The following TUBGCP3 variants were observed in gnomAD, a reference collection of about 807,000 sequenced individuals.
TUBGCP3 encodes gamma-tubulin complex component 3.
In TUBGCP3, 50 loss-of-function variants were observed where a neutral mutation model predicts 123.1. The ratio of observed to expected loss-of-function variants is 0.41; its 90% CI spans 0.32 to 0.51. The LOEUF is 0.51. Among genes scored for constraint, TUBGCP3 ranks in the 20% least tolerant of loss-of-function variants. The pLI, the probability that TUBGCP3 is intolerant of heterozygous loss-of-function variation, is 0.36. For synonymous variants in TUBGCP3, 405 were observed against 413.9 expected (o/e 0.98, Z 0.26); for missense variants, 882 against 1,127.0 (o/e 0.78, Z 3.11).
chr13:112,545,430 C>T lies in TUBGCP3; in HGVS notation c.1335+269G>A, dbSNP rs920783181. 8.3e-5 allele frequency: 32 copies of T among 383,890 alleles called. No homozygotes were observed. Among genetic ancestry groups the T allele is most frequent in the Non-Finnish European group, 1.4e-4 (30 of 207,556 alleles). 23.8% of individuals were successfully genotyped at this position (383,890 alleles called of 1,614,324 possible). ...AGGCCTCGTCCTGTTTTGCCATCCA[C>T]GTGCTAGTAAACTCGGACGAGTGAT... On this transcript the variant is annotated intron_variant, in intron 11 of 21. Coordinates refer to ENST00000261965, the MANE Select transcript of TUBGCP3 (RefSeq NM_006322.6). This position sits in a 1 kb window ranked among gnomAD's most constrained non-coding sequence, Gnocchi z 4.1.
At position 112,588,146 on chromosome 13, in the gene TUBGCP3, G is replaced by A. The variant is rs1005270362; in HGVS notation, c.-166C>T. 3.6e-5 allele frequency: 18 copies of A among 499,432 alleles called. No individual in the cohort carries two copies. The highest frequency in any genetic ancestry group is 4.4e-5 in the Admixed American group (1 of 22,560). The allele number at this position is 499,432 out of a possible 1,614,324, so 30.9% of individuals were successfully genotyped here. ...GGGCGCCATTTTAACGGAACCCGCC[G>A]AAAGCGCGGGCGCTTCCCACAATGC... On this transcript the variant is annotated 5_prime_UTR_variant, in exon 1 of 22. Transcript: ENST00000261965.
chr13:112,582,258 T>C (rs1181840853), intron 1 of TUBGCP3, among the ~76,000 whole-genome samples: 1 of 152,238 alleles, frequency 6.6e-6, no homozygotes. Context: ...CAATCAGTAA[T>C]TCAATGAATA....
At chr13:112,540,963 T>C (rs187666586) in intron 11 of TUBGCP3, among the ~76,000 whole-genome samples, 2 of 152,330 alleles carry the variant, frequency 1.3e-5, no homozygotes, top group Admixed American at 1.3e-4. Flanking sequence ...TTATACATAT[T>C]CTAAGCAACA....
intron 13 of TUBGCP3, among the ~76,000 whole-genome samples, 196 bp from the exon 14 acceptor site, chr13:112,522,705 C>T (rs973606752): frequency 6.6e-6 from 1 of 152,216 alleles, no homozygotes; most frequent in Non-Finnish European, 1.5e-5. Context: ...GAAAACAATT[C>T]TGCCAGCTGG....
At position 112,548,186 on chromosome 13, in the gene TUBGCP3, G is replaced by A. The variant is rs1298649102; in HGVS notation, c.967-10C>T. The A allele has an allele frequency of 7.5e-6, 12 of 1,594,514 alleles. No individual in the cohort carries two copies. Among genetic ancestry groups the A allele is most frequent in the Admixed American group, 5.0e-5 (3 of 59,474 alleles). Reference sequence around the variant, plus strand: ...AGGCAGCACAAAAGCTCTGTTTGGAGGAGAAATATAATTAAAGCACGACAC... The same window carrying A: ...AGGCAGCACAAAAGCTCTGTTTGGAAGAGAAATATAATTAAAGCACGACAC... On this transcript the variant is annotated splice_polypyrimidine_tract_variant and intron_variant, in intron 8 of 21. Transcript: ENST00000261965.
intron 16 of TUBGCP3, 63 bp downstream of exon 16, chr13:112,518,912 A>G: frequency 1.4e-6 from 2 of 1,475,572 alleles, no homozygotes; most frequent in Non-Finnish European, 1.9e-6. Context: ...AGCCAATTTC[A>G]AACAAAATGT....
rs943423343 is a variant in TUBGCP3, at chr13:112,524,680, C to T, written c.1556-2171G>A. 3.3e-5 allele frequency among the ~76,000 whole-genome samples: 5 copies of T among 152,136 alleles called. No homozygotes were observed. Reference sequence around the variant, plus strand: ...GTCTGAATGCTTTAGGGTGAGAGGGCCCATGGCTCTCACATGCCTGGAAAG... The same window carrying T: ...GTCTGAATGCTTTAGGGTGAGAGGGTCCATGGCTCTCACATGCCTGGAAAG... On this transcript the variant is annotated intron_variant, in intron 13 of 21. Transcript: ENST00000261965. The surrounding 1 kb of genome is among the most constrained non-coding windows in gnomAD (Gnocchi z 4.4).
intron 8 of TUBGCP3, among the ~76,000 whole-genome samples, chr13:112,553,454 C>T (rs1490925309): frequency 6.6e-6 from 1 of 152,240 alleles, no homozygotes; most frequent in Non-Finnish European, 1.5e-5. Context: ...GCTGCTTAGC[C>T]ACAAAGAAGG....
chr13:112,508,704 A>C lies in TUBGCP3; in HGVS notation c.2087-3990T>G, dbSNP rs142292264. On this transcript the variant is annotated intron_variant, in intron 17 of 21. Coordinates refer to ENST00000261965, the MANE Select transcript of TUBGCP3 (RefSeq NM_006322.6). This position sits in a 1 kb window ranked among gnomAD's most constrained non-coding sequence, Gnocchi z 4.2. ...AAAAATACTCAAATTAGCGTATTTG[A>C]ATGGAATCACTATCCCCCCCAAAGA... 1.7e-3 allele frequency among the ~76,000 whole-genome samples: 263 copies of C among 152,200 alleles called. 2 individuals are homozygous for C. The highest frequency in any genetic ancestry group is 6.3e-3 in the African/African-American group (260 of 41,540).
the TUBGCP3 span, among the ~76,000 whole-genome samples, chr13:112,598,233 A>G: frequency 6.6e-6 from 1 of 152,004 alleles, no homozygotes; most frequent in East Asian, 1.9e-4. Flanking sequence ...AAGAGAAACA[A>G]AGGCTTTTTT....
At chr13:112,582,911 G>A (rs1349829953) in intron 1 of TUBGCP3, among the ~76,000 whole-genome samples, 1 of 152,204 alleles carries the variant, frequency 6.6e-6, no homozygotes, top group Admixed American at 6.5e-5. Flanking sequence ...AAACACAAGA[G>A]CGGATAGAGG....
chr13:112,580,841 C>T (rs544945299), intron 1 of TUBGCP3, among the ~76,000 whole-genome samples: 2 of 152,286 alleles, frequency 1.3e-5, no homozygotes, highest in South Asian at 4.1e-4. Context: ...TTATTTAGAT[C>T]AGCAAATCCT....
intron 10 of TUBGCP3, chr13:112,546,620 A>C (rs752793613): frequency 6.6e-6 from 1 of 152,340 alleles, no homozygotes; most frequent in Non-Finnish European, 1.5e-5. Flanking sequence ...ATCGGACAGC[A>C]GCTCTTATAA....
At chr13:112,495,036 G>A (rs953986154) in intron 20 of TUBGCP3, among the ~76,000 whole-genome samples, 3 of 152,108 alleles carry the variant, frequency 2.0e-5, no homozygotes, top group Non-Finnish European at 2.9e-5. Flanking sequence ...TCACTTTGTT[G>A]ATTGTTTCCT....
At chr13:112,532,112 C>T (rs569116460) in intron 11 of TUBGCP3, among the ~76,000 whole-genome samples, 1 of 152,246 alleles carries the variant, frequency 6.6e-6, no homozygotes, top group South Asian at 2.1e-4. Flanking sequence ...CAGGCAGCTA[C>T]CAAGAGATTT....
chr13:112,565,375 A>G (rs186849404), intron 2 of TUBGCP3, among the ~76,000 whole-genome samples, 197 bp from the exon 3 acceptor site: 1 of 152,356 alleles, frequency 6.6e-6, no homozygotes, highest in African/African-American at 2.4e-5. Context: ...TTTGTAAAGT[A>G]CGGAAAATAT....
chr13:112,601,185 TAA>T, the TUBGCP3 span, among the ~76,000 whole-genome samples: 84 of 86,488 alleles, frequency 9.7e-4, no homozygotes, highest in South Asian at 1.6e-3. Context: ...AGATTCTGTC[TAA>T]AAAAAAAAAA....
chr13:112,581,414 G>A (rs1882265914), intron 1 of TUBGCP3, among the ~76,000 whole-genome samples: 1 of 151,950 alleles, frequency 6.6e-6, no homozygotes, highest in South Asian at 2.1e-4. Context: ...AAGTATCATT[G>A]AAAAGTTTCC....
upstream of TUBGCP3, among the ~76,000 whole-genome samples, chr13:112,593,185 A>G (rs112197038): frequency 0.17 from 25,642 of 152,076 alleles, 3,369 homozygotes; most frequent in African/African-American, 0.36. Context: ...TTGGGAGGCC[A>G]AAGTGGGTGG....
Sources: gnomAD v4.1 joint callset for allele counts (sites outside exome capture counted in the v4.1 genomes callset) on GRCh38, gnomAD v4.1.1 for gene constraint, Gnocchi (gnomAD v3.1) non-coding constraint, MANE v1.5 for transcripts, NCBI Gene and HGNC (gene_info 2026-07-23, HGNC 2026-07-21) for gene names.